Variants in TBC1D1 observed in about 807,000 individuals in gnomAD.
TBC1D1 encodes TBC1 (tre-2/USP6, BUB2, cdc16) domain family, member 1.
In TBC1D1, 89 loss-of-function variants were observed where a neutral mutation model predicts 125.6. The observed-to-expected ratio is 0.71, with a 90% CI of 0.60 to 0.85. The LOEUF is 0.85. Among genes scored for constraint, TBC1D1 ranks in the 40% least tolerant of loss-of-function variants. The probability of loss-of-function intolerance (pLI) is 0.00; values close to 1 mark genes in which losing one functional copy is unlikely to be tolerated. For missense variants in TBC1D1, 1,377 were observed against 1,469.2 expected (o/e 0.94, Z 1.03); for synonymous variants, 565 against 564.1 (o/e 1.00, Z -0.02).
chr4:38,081,264 G>C (rs1172080745), intron 12 of TBC1D1, among the ~76,000 whole-genome samples: 1 of 152,202 alleles, frequency 6.6e-6, no homozygotes, highest in African/African-American at 2.4e-5. Context: ...ATAGGCCACA[G>C]AGGAGGCGTC....
At chr4:37,893,991 CTTTTT>C (rs34402649) in intron 1 of TBC1D1, among the ~76,000 whole-genome samples, 1 of 136,980 alleles carries the variant, frequency 7.3e-6, no homozygotes, top group Non-Finnish European at 1.6e-5. Context: ...AGGTTTTTGA[CTTTTT>C]TTTTTTTTTT....
intron 12 of TBC1D1, among the ~76,000 whole-genome samples, chr4:38,058,979 A>T (rs1183120147): frequency 2.0e-5 from 3 of 152,196 alleles, no homozygotes; most frequent in African/African-American, 7.2e-5. Context: ...TCTAATCTCT[A>T]ATAGTATAAT....
chr4:37,945,930 T>C (rs184299881), intron 2 of TBC1D1, among the ~76,000 whole-genome samples: 1 of 152,328 alleles, frequency 6.6e-6, no homozygotes, highest in African/African-American at 2.4e-5. Context: ...TCTGAAACTA[T>C]GTGGACATTC....
chr4:37,937,371 T>C (rs1418753716), intron 2 of TBC1D1, among the ~76,000 whole-genome samples: 2 of 152,156 alleles, frequency 1.3e-5, no homozygotes, highest in Non-Finnish European at 2.9e-5. Flanking sequence ...AAAAGCACTC[T>C]TAAGTGTCTA....
chr4:38,041,528 C>T (rs186045263), intron 8 of TBC1D1, among the ~76,000 whole-genome samples: 3 of 152,142 alleles, frequency 2.0e-5, no homozygotes, highest in Admixed American at 2.0e-4. Flanking sequence ...ACTGCAGCCT[C>T]CTTTGTAAGA....
chr4:38,068,213 G>A (rs1298155311), intron 12 of TBC1D1, among the ~76,000 whole-genome samples: 1 of 152,154 alleles, frequency 6.6e-6, no homozygotes, highest in Non-Finnish European at 1.5e-5. Flanking sequence ...AATCCCTAGT[G>A]TACTTCCATT....
chr4:37,956,141 C>T (rs1728895572), intron 2 of TBC1D1, among the ~76,000 whole-genome samples: 1 of 151,972 alleles, frequency 6.6e-6, no homozygotes, highest in African/African-American at 2.4e-5. Flanking sequence ...ATCCTCCCAC[C>T]TCAGCCTTCT....
intron 1 of TBC1D1, among the ~76,000 whole-genome samples, chr4:37,900,407 CTTT>C (rs10612576): frequency 0.083 from 11,743 of 140,680 alleles, 614 homozygotes; most frequent in East Asian, 0.24. Flanking sequence ...AAGGAAATAT[CTTT>C]TTTTTTTTTT....
chr4:38,100,836 C>G (rs1161987771), intron 14 of TBC1D1, among the ~76,000 whole-genome samples: 1 of 152,202 alleles, frequency 6.6e-6, no homozygotes, highest in African/African-American at 2.4e-5. Flanking sequence ...TTCAAATCCA[C>G]AGATGGTTAT....
At chr4:37,908,261 A>C (rs1210735857) in intron 2 of TBC1D1, among the ~76,000 whole-genome samples, 1 of 152,110 alleles carries the variant, frequency 6.6e-6, no homozygotes, top group Non-Finnish European at 1.5e-5. Context: ...GCTGGAATGC[A>C]GTCGTGCAAT....
At chr4:37,976,674 C>T (rs1387449261) in intron 2 of TBC1D1, among the ~76,000 whole-genome samples, 5 of 151,692 alleles carry the variant, frequency 3.3e-5, no homozygotes, top group Non-Finnish European at 7.4e-5. Context: ...ACGTGGAACT[C>T]AGGAGTGGCT....
intron 12 of TBC1D1, among the ~76,000 whole-genome samples, chr4:38,061,461 G>A (rs1483070059): frequency 6.6e-6 from 1 of 152,126 alleles, no homozygotes; most frequent in Non-Finnish European, 1.5e-5. Context: ...TTACCTCTAT[G>A]TGCTAGGGAA....
intron 2 of TBC1D1, among the ~76,000 whole-genome samples, chr4:37,988,552 C>G (rs768193112): frequency 2.8e-4 from 43 of 152,204 alleles, no homozygotes; most frequent in Non-Finnish European, 5.4e-4. Context: ...GCACTTAGTA[C>G]TCGTGAACCA....
chr4:37,939,356 C>T (rs1189889307), intron 2 of TBC1D1, among the ~76,000 whole-genome samples: 1 of 152,182 alleles, frequency 6.6e-6, no homozygotes, highest in Non-Finnish European at 1.5e-5. Flanking sequence ...ATCCTTTGCC[C>T]ACTTTTTGAT....
intron 18 of TBC1D1, among the ~76,000 whole-genome samples, chr4:38,131,173 G>A (rs1765526672): frequency 6.6e-6 from 1 of 152,196 alleles, no homozygotes; most frequent in Non-Finnish European, 1.5e-5. Flanking sequence ...GCCTGGAAGA[G>A]TTTATGGCTT....
rs1763251964 is a variant in TBC1D1, at chr4:38,118,018, G to A, written c.2803-15G>A. 1 of 1,613,350 alleles carries A rather than the reference G, an allele frequency of 6.2e-7. No homozygotes were observed. Among genetic ancestry groups the A allele is most frequent in the Admixed American group, 1.7e-5 (1 of 59,952 alleles). Reference sequence around the variant, plus strand: ...AGATCCCTAATTCTCAGCCCTTGTGGCTGTCTTCCTGCAGATCCAGATGTA... The same window carrying A: ...AGATCCCTAATTCTCAGCCCTTGTGACTGTCTTCCTGCAGATCCAGATGTA... On this transcript the variant is annotated splice_polypyrimidine_tract_variant and intron_variant, in intron 16 of 19. Transcript: ENST00000261439.
At chr4:38,041,507 TAA>T (rs1456028618) in intron 8 of TBC1D1, among the ~76,000 whole-genome samples, 2 of 152,174 alleles carry the variant, frequency 1.3e-5, no homozygotes, top group African/African-American at 4.8e-5. Context: ...GAGCTCTATA[TAA>T]GAGAGGTCAC....
At position 38,108,929 on chromosome 4, in the gene TBC1D1, C is replaced by T. The variant is rs558816225; in HGVS notation, c.2557+5772C>T. Among the ~76,000 whole-genome samples the T allele has an allele frequency of 2.3e-4, 35 of 152,278 alleles. No homozygotes were observed. In the South Asian group the frequency reaches 2.7e-3, roughly 12 times the overall value. ...CCAAGTACAAACAGGCAGAGGGGAG[C>T]GCTTCCCCTTCTCCTCTCCCAGGCG... On this transcript the variant is annotated intron_variant, in intron 15 of 19. Transcript: ENST00000261439.
chr4:37,960,848 C>A (rs377726140), intron 2 of TBC1D1: 3 of 1,614,168 alleles, frequency 1.9e-6, no homozygotes, highest in Non-Finnish European at 2.5e-6. Flanking sequence ...AGATTGCACA[C>A]CTCCCCTTGA....
Sources: gnomAD v4.1 joint callset for allele counts (sites outside exome capture counted in the v4.1 genomes callset) on GRCh38, gnomAD v4.1.1 for gene constraint, MANE v1.5 for transcripts, NCBI Gene and HGNC (gene_info 2026-07-23, HGNC 2026-07-21) for gene names.